KCTD3: variants seen among roughly 807,000 people sequenced by gnomAD.
The protein encoded by KCTD3 is BTB/POZ domain-containing protein KCTD3.
KCTD3 carries 41 observed loss-of-function variants against 85.8 expected under a neutral mutation model. The observed-to-expected ratio is 0.48, with a 90% CI of 0.37 to 0.62. KCTD3 has a LOEUF of 0.62. Ranked by LOEUF, KCTD3 falls within the 20% of genes least tolerant of loss-of-function variation. The probability of loss-of-function intolerance (pLI) is 0.00; values close to 1 mark genes in which losing one functional copy is unlikely to be tolerated. For missense variants in KCTD3, 724 were observed against 989.9 expected (o/e 0.73, Z 3.60); for synonymous variants, 338 against 345.4 (o/e 0.98, Z 0.24).
intron 14 of KCTD3, among the ~76,000 whole-genome samples, chr1:215,608,770 C>T (rs1655130324): frequency 6.6e-6 from 1 of 151,878 alleles, no homozygotes; most frequent in Admixed American, 6.6e-5. Flanking sequence ...CACCCCCGGC[C>T]CCATTTGAAA....
chr1:215,618,222 A>T, intron 15 of KCTD3: 1 of 413,444 alleles, frequency 2.4e-6, no homozygotes, highest in South Asian at 1.8e-5. Flanking sequence ...TGGTTTGTTT[A>T]TTCCTGTATT....
intron 3 of KCTD3, among the ~76,000 whole-genome samples, chr1:215,575,458 T>C (rs919079149): frequency 6.6e-6 from 1 of 152,220 alleles, no homozygotes; most frequent in Non-Finnish European, 1.5e-5. Flanking sequence ...AGTATTTACT[T>C]TTCTCAAGTA....
intron 8 of KCTD3, 71 bp downstream of exon 8, chr1:215,580,070 T>G: frequency 9.6e-7 from 1 of 1,041,926 alleles, no homozygotes; most frequent in South Asian, 1.4e-5. Context: ...TTTATATTTT[T>G]AGATTGAAAA....
chr1:215,611,845 G>A lies in KCTD3; in HGVS notation c.1486G>A (p.Asp496Asn), dbSNP rs1415036253. ...TCAAGGACCTTTTGGAGAGCGAGAC[G>A]ATCAACAGGTGTTTATCCAGAAAGT... is the stretch of plus-strand genomic sequence containing the variant. ...NDIGPFGERD[D>N]QQVFIQKVVP... The change falls in exon 15 of 18, where the codon GAT (aspartate) becomes AAT (asparagine). Residue 496 changes from aspartate to asparagine, a missense_variant. Transcript: ENST00000259154. The A allele has an allele frequency of 1.9e-6, 3 of 1,605,750 alleles. No individual in the cohort carries two copies. Among genetic ancestry groups the A allele is most frequent in the Non-Finnish European group, 2.6e-6 (3 of 1,174,614 alleles).
At position 215,595,565 on chromosome 1, in the gene KCTD3, G is replaced by A. The variant is rs182019353; in HGVS notation, c.933+94G>A. The A allele has an allele frequency of 1.2e-5, 9 of 762,306 alleles. 1 individual carries two copies. The East Asian group carries it at 1.5e-4, about 13-fold the overall frequency. The allele number at this position is 762,306 out of a possible 1,614,324, so 47.2% of individuals were successfully genotyped here. On this transcript the variant is annotated intron_variant, in intron 10 of 17. Transcript: ENST00000259154. ...TCCTTGTAGAATTCGTACTGTTTCT[G>A]GTTTTGGTTATACAAATATTGAATA...
intron 1 of KCTD3, among the ~76,000 whole-genome samples, chr1:215,572,992 C>G (rs983610549): frequency 1.3e-5 from 2 of 152,108 alleles, no homozygotes; most frequent in Admixed American, 6.5e-5. Flanking sequence ...TTTGCCATAT[C>G]AGTTTACATA....
In KCTD3 at chr1:215,591,446, C is replaced by T. The variant is rs1395368428; in HGVS notation, c.818-3910C>T. ...GATCATGGCTGACTGCAACCTCCGC[C>T]TCCCAGGTTCAAGGGATTCTCCTGC... On this transcript the variant is annotated intron_variant, in intron 9 of 17. Transcript: ENST00000259154. Among the ~76,000 whole-genome samples, 5 of 152,214 alleles carry T rather than the reference C, an allele frequency of 3.3e-5. No homozygotes were observed. The East Asian group carries it at 9.7e-4, about 29-fold the overall frequency.
chr1:215,573,656 A>G (rs1659457506), intron 1 of KCTD3, 130 bp from the exon 2 acceptor site: 2 of 552,652 alleles, frequency 3.6e-6, no homozygotes, highest in Non-Finnish European at 6.5e-6. Context: ...TAACTGTAAT[A>G]AATATATTGG....
Position 215,611,962 on chromosome 1 carries a change from C to T in KCTD3, c.1562+41C>T, listed in dbSNP as rs1209026246. 4 of 1,313,142 alleles carry T rather than the reference C, an allele frequency of 3.0e-6. No individual in the cohort carries two copies. In the South Asian group the frequency reaches 3.6e-5, roughly 12 times the overall value. 81.3% of individuals were successfully genotyped at this position (1,313,142 alleles called of 1,614,324 possible). On this transcript the variant is annotated intron_variant, in intron 15 of 17. Transcript: ENST00000259154. ...AAAAATATTTGTATTCAGAAGCCAC[C>T]TTTTGTCTTACAAAACATATGGCAT...
Position 215,619,250 on chromosome 1 carries a change from T to G in KCTD3, c.1845T>G (p.Thr615=). The change falls in exon 17 of 18, where the codon ACT becomes ACG. Residue 615 remains threonine, a synonymous_variant. Transcript: ENST00000259154. ...RCATPNISPA[T]SVVQHSHLRE... ...CTACTCCTAACATCAGTCCAGCAAC[T>G]TCCGTAGTTCAGCATAGCCACTTAC... The G allele has an allele frequency of 6.2e-7, 1 of 1,613,906 alleles. No homozygotes were observed. Among genetic ancestry groups the G allele is most frequent in the Non-Finnish European group, 8.5e-7 (1 of 1,179,804 alleles).
chr1:215,594,353 A>G (rs891846110), intron 9 of KCTD3, among the ~76,000 whole-genome samples: 7 of 152,198 alleles, frequency 4.6e-5, no homozygotes, highest in African/African-American at 1.7e-4. Flanking sequence ...TGCCGCACCA[A>G]GGTGAGCCTA....
chr1:215,578,624 A>G (rs1302512145), intron 6 of KCTD3, among the ~76,000 whole-genome samples: 3 of 152,192 alleles, frequency 2.0e-5, no homozygotes, highest in Non-Finnish European at 4.4e-5. Flanking sequence ...AAAATGTTTG[A>G]AAGTATGGGG....
At chr1:215,593,990 G>T (rs1274531104) in intron 9 of KCTD3, among the ~76,000 whole-genome samples, 3 of 151,488 alleles carry the variant, frequency 2.0e-5, no homozygotes, top group Admixed American at 6.6e-5. Flanking sequence ...CTCCCCAGTA[G>T]CTGGGATTAC....
Position 215,579,912 on chromosome 1 carries a change from T to A in KCTD3, c.539T>A (p.Phe180Tyr). 1 of 1,609,024 alleles carries A rather than the reference T, an allele frequency of 6.2e-7. No individual in the cohort carries two copies. Among genetic ancestry groups the A allele is most frequent in the African/African-American group, 1.3e-5 (1 of 74,930 alleles). The change falls in exon 8 of 18, where the codon TTT becomes TAT. Residue 180 changes from phenylalanine (F) to tyrosine (Y), a missense_variant. This residue lies in a region of KCTD3 where 106 missense variants were observed against 98.2 expected (regional missense o/e 1.08). Transcript: ENST00000259154. ...GTGEETVRLG[F>Y]PVDPRKVLIV... ...TTTCTTTTTCCAAAATCAACAGGATTTCCTGTGGATCCACGAAAGGTGCTA... is the reference window on the plus strand; with the variant it reads ...TTTCTTTTTCCAAAATCAACAGGATATCCTGTGGATCCACGAAAGGTGCTA...
chr1:215,576,616 T>C (rs1446010020), intron 4 of KCTD3, among the ~76,000 whole-genome samples: 9 of 151,598 alleles, frequency 5.9e-5, no homozygotes. Context: ...TTTTTGAGAC[T>C]GAGTCTTACT....
intron 1 of KCTD3, among the ~76,000 whole-genome samples, chr1:215,569,022 A>G (rs1052467916): frequency 6.6e-6 from 1 of 152,134 alleles, no homozygotes; most frequent in Non-Finnish European, 1.5e-5. Context: ...GAGGCCTGCA[A>G]TGTGTGTTGA....
rs536622356 is a variant in KCTD3 at position 215,602,316 on chromosome 1, T to G, written c.1138+115T>G. On this transcript the variant is annotated intron_variant, in intron 12 of 17. Coordinates refer to ENST00000259154, the MANE Select transcript of KCTD3 (RefSeq NM_016121.5). ...ATTTCTTTTTGAGAACTGCAGTGCC[T>G]AAGGATTTCATCTCTACTAAGTCTA... The G allele has an allele frequency of 1.4e-4, 81 of 575,784 alleles. 1 individual carries two copies. In the South Asian group the frequency reaches 1.8e-3, roughly 13 times the overall value. 35.7% of individuals were successfully genotyped at this position (575,784 alleles called of 1,614,324 possible).
chr1:215,617,109 G>A (rs530817423), intron 15 of KCTD3, among the ~76,000 whole-genome samples: 43 of 152,368 alleles, frequency 2.8e-4, no homozygotes, highest in African/African-American at 8.4e-4. Flanking sequence ...AAAACCTGGA[G>A]GTTCTGAAGG....
intron 1 of KCTD3, among the ~76,000 whole-genome samples, chr1:215,570,352 G>A (rs1466607941): frequency 2.0e-5 from 3 of 152,064 alleles, no homozygotes; most frequent in African/African-American, 7.2e-5. Context: ...AGTAGATGAA[G>A]TTTCATTTAG....
Sources: gnomAD v4.1 joint callset for allele counts (sites outside exome capture counted in the v4.1 genomes callset) on GRCh38, gnomAD v4.1.1 for gene constraint, gnomAD v4.1.1 regional missense constraint, MANE v1.5 for transcripts, NCBI Gene and HGNC (gene_info 2026-07-23, HGNC 2026-07-21) for gene names.